Variants in ZNF75D observed in about 807,000 individuals in gnomAD.
ZNF75D encodes zinc finger protein 75D.
Under a neutral mutation model 33.3 loss-of-function variants are expected in ZNF75D, and 33 were observed. That is an observed-to-expected ratio of 0.99 (90% CI 0.75 to 1.32). The LOEUF (loss-of-function observed/expected upper bound fraction) is 1.32, where lower values mean the gene tolerates loss of function less well. ZNF75D is among the 40% of genes most tolerant of loss of function. The pLI, the probability that ZNF75D is intolerant of heterozygous loss-of-function variation, is 0.00. For synonymous variants in ZNF75D, 113 were observed against 130.6 expected (o/e 0.87, Z 0.92); for missense variants, 338 against 367.5 (o/e 0.92, Z 0.66).
In ZNF75D at chrX:135,291,467, C is replaced by T. The variant is rs2084036401; in HGVS notation, c.696+5G>A. On this transcript the variant is annotated splice_donor_5th_base_variant and intron_variant, in intron 5 of 6. Coordinates refer to ENST00000370766, the MANE Select transcript of ZNF75D (RefSeq NM_007131.5). ...ACCTGAAAAAAGCCAGAAATAACAG[C>T]TCACCAGGGACTCAGGCAGGATGAG... 4 of 1,210,004 alleles carry T rather than the reference C, an allele frequency of 3.3e-6. No individual in the cohort carries two copies. The Admixed American group carries it at 8.7e-5, about 26-fold the overall frequency.
In ZNF75D at chrX:135,279,102, G is replaced by C. The variant is rs1344074513; in HGVS notation, n.828-23325C>G. Reference sequence around the variant, plus strand: ...TTTGTACCTCTGGTAGAATTCGGCTGTGAATCTGTCTGGTCCTGGGCTTTT... The same window carrying C: ...TTTGTACCTCTGGTAGAATTCGGCTCTGAATCTGTCTGGTCCTGGGCTTTT... On this transcript the variant is annotated intron_variant and non_coding_transcript_variant, in intron 1 of 3. Coordinates refer to the ZNF75D transcript ENST00000494295. 4.5e-5 allele frequency among the ~76,000 whole-genome samples: 5 copies of C among 111,769 alleles called. No individual in the cohort carries two copies. The Admixed American group carries it at 4.7e-4, about 11-fold the overall frequency.
At chrX:135,333,872 T>C in intron 1 of ZNF75D, among the ~76,000 whole-genome samples, 1 of 111,814 alleles carries the variant, frequency 8.9e-6, no homozygotes, top group East Asian at 2.8e-4. Context: ...ACAACGAACA[T>C]CAGAACTGGA....
chrX:135,287,812 A>G lies in ZNF75D; in HGVS notation c.858T>C (p.His286=). ...TTTCTGATGTAGAAACAGATATAGGATGATCATTTCCAGTGTCATTTTTTA... is the reference window on the plus strand; with the variant it reads ...TTTCTGATGTAGAAACAGATATAGGGTGATCATTTCCAGTGTCATTTTTTA... ...LKLKNDTGND[H]PISVSTSEIQ... The change falls in exon 7 of 7, where the codon CAT becomes CAC. Residue 286 remains histidine, a synonymous_variant. Transcript: ENST00000370766. 8.3e-7 allele frequency: 1 copy of G among 1,208,637 alleles called. No individual in the cohort carries two copies. Among genetic ancestry groups the G allele is most frequent in the East Asian group, 3.0e-5 (1 of 33,845 alleles).
At chrX:135,269,958 G>A (rs782668126) in intron 1 of ZNF75D, among the ~76,000 whole-genome samples, 84 of 110,933 alleles carry the variant, frequency 7.6e-4, no homozygotes, top group African/African-American at 2.6e-3. Context: ...GGATAAAAGC[G>A]GAGGTCATTA....
At chrX:135,284,970 T>C (rs782399241), downstream of ZNF75D, among the ~76,000 whole-genome samples, 15 of 111,719 alleles carry the variant, frequency 1.3e-4, no homozygotes, top group Non-Finnish European at 1.9e-4. Context: ...TCCAGGATGC[T>C]AGCAAACATG....
chrX:135,313,166 G>T (rs1187589791), intron 1 of ZNF75D, among the ~76,000 whole-genome samples: 3 of 111,327 alleles, frequency 2.7e-5, no homozygotes, highest in South Asian at 3.7e-4. Context: ...GTTGATTTTT[G>T]TATATGGTTA....
At position 135,343,231 on chromosome X, in the gene ZNF75D, G is replaced by C; in HGVS notation, c.-1854C>G. The C allele has an allele frequency of 8.9e-6, 1 of 112,862 alleles. No homozygotes were observed. Among genetic ancestry groups the C allele is most frequent in the Middle Eastern group, 4.6e-3 (1 of 218 alleles). 9.3% of individuals were successfully genotyped at this position (112,862 alleles called of 1,213,427 possible). On this transcript the variant is annotated 5_prime_UTR_variant, in exon 1 of 7. It adds an upstream start codon to the 5' untranslated region. Transcript: ENST00000370766. The stretch of plus-strand genomic sequence containing the variant: ...GGGGAGGCTGGGCCTCCTTGAGGAA[G>C]ATGGCAGATAAAACCTCTCTCTCAC...
chrX:135,299,594 G>A (rs1447819569), intron 1 of ZNF75D, among the ~76,000 whole-genome samples: 3 of 111,947 alleles, frequency 2.7e-5, no homozygotes, highest in Non-Finnish European at 3.8e-5. Flanking sequence ...TCTTGATGGT[G>A]TCCTCTGCTG....
At chrX:135,330,867 G>T (rs1223277363) in intron 1 of ZNF75D, 2 of 111,430 alleles carry the variant, frequency 1.8e-5, no homozygotes, top group African/African-American at 6.5e-5. Context: ...CAGACACAGG[G>T]GAGATACAGG....
At chrX:135,319,859 G>A (rs1185033690) in intron 1 of ZNF75D, among the ~76,000 whole-genome samples, 1 of 112,535 alleles carries the variant, frequency 8.9e-6, no homozygotes, top group Non-Finnish European at 1.9e-5. Context: ...AAGCCAGTGT[G>A]AGAATCTTTT....
At chrX:135,290,439 C>T (rs1392561540) in intron 6 of ZNF75D, among the ~76,000 whole-genome samples, 1 of 112,283 alleles carries the variant, frequency 8.9e-6, no homozygotes, top group Admixed American at 9.4e-5. Flanking sequence ...ACCTGACCTG[C>T]ATAGGATCAC....
chrX:135,264,064 TACCTGAG>T (rs1356034003), intron 1 of ZNF75D, among the ~76,000 whole-genome samples: 38 of 111,852 alleles, frequency 3.4e-4, no homozygotes, highest in African/African-American at 1.2e-3. Flanking sequence ...TATAAAGAGC[TACCTGAG>T]ACTGGGCAAT....
At chrX:135,290,024 C>A in intron 6 of ZNF75D, among the ~76,000 whole-genome samples, 1 of 112,044 alleles carries the variant, frequency 8.9e-6, no homozygotes, top group Non-Finnish European at 1.9e-5. Context: ...CTGTGTTACA[C>A]CGCTTATCCC....
chrX:135,273,847 G>A (rs1378378760), intron 1 of ZNF75D, among the ~76,000 whole-genome samples: 1 of 112,083 alleles, frequency 8.9e-6, no homozygotes, highest in Admixed American at 9.5e-5. Flanking sequence ...TGGGAAAATG[G>A]AATGGAATTG....
chrX:135,267,315 T>C (rs5933527), intron 1 of ZNF75D, among the ~76,000 whole-genome samples: 23,273 of 109,928 alleles, frequency 0.21, 2,031 homozygotes, highest in Middle Eastern at 0.37. Flanking sequence ...AAAAGACCAA[T>C]GAAACAAAAG....
chrX:135,263,666 T>C (rs2083851881), intron 1 of ZNF75D, among the ~76,000 whole-genome samples: 1 of 112,878 alleles, frequency 8.9e-6, no homozygotes, highest in Admixed American at 9.3e-5. Context: ...TGCTAAGACC[T>C]TGGGAAAAGT....
chrX:135,300,353 A>G (rs1556424285), intron 1 of ZNF75D, among the ~76,000 whole-genome samples: 1 of 108,935 alleles, frequency 9.2e-6, no homozygotes, highest in African/African-American at 3.3e-5. Context: ...GATGGGACAA[A>G]GTAGGTAGCA....
At position 135,287,037 on chromosome X, in the gene ZNF75D, T is replaced by G; in HGVS notation, c.*100A>C. ...TTTTGTGAAGTGTAACATGTACCCT[T>G]CCCAAATGTTTTATTAATCACAGAT... On this transcript the variant is annotated 3_prime_UTR_variant, in exon 7 of 7. Coordinates refer to ENST00000370766, the MANE Select transcript of ZNF75D (RefSeq NM_007131.5). The G allele has an allele frequency of 1.4e-6, 1 of 709,288 alleles. No homozygotes were observed. The allele number at this position is 709,288 out of a possible 1,213,427, so 58.5% of individuals were successfully genotyped here. A position where few individuals can be genotyped will look rare whatever the true frequency, so the allele number is the denominator to read the frequency against.
chrX:135,262,956 G>C (rs1181769396), intron 1 of ZNF75D, among the ~76,000 whole-genome samples: 2 of 112,213 alleles, frequency 1.8e-5, no homozygotes, highest in African/African-American at 3.2e-5. Context: ...CTTTGATGTT[G>C]GTGACCTACA....
Sources: gnomAD v4.1 joint callset for allele counts (sites outside exome capture counted in the v4.1 genomes callset) on GRCh38, gnomAD v4.1.1 for gene constraint, MANE v1.5 for transcripts, NCBI Gene and HGNC (gene_info 2026-07-23, HGNC 2026-07-21) for gene names.